The following LPIN1 variants were observed in gnomAD, a reference collection of about 807,000 sequenced individuals.
LPIN1 encodes lipin 1.
In LPIN1, 71 loss-of-function variants were observed where a neutral mutation model predicts 107.5. That is an observed-to-expected ratio of 0.66 (90% CI 0.55 to 0.80). The LOEUF (loss-of-function observed/expected upper bound fraction) is 0.80. Among genes scored for constraint, LPIN1 ranks in the 30% least tolerant of loss-of-function variants. The pLI is 0.00. For missense variants in LPIN1, 1,043 were observed against 1,160.6 expected, an observed-to-expected ratio of 0.90 and a Z score of 1.47; for synonymous variants, 445 against 452.6, an observed-to-expected ratio of 0.98 and a Z score of 0.21.
At chr2:11,744,315 A>G (rs1572517219), upstream of LPIN1, among the ~76,000 whole-genome samples, 2 of 152,326 alleles carry the variant, frequency 1.3e-5, no homozygotes, top group African/African-American at 4.8e-5. Context: ...GGGCCCTCCC[A>G]GGGGGACTCC....
intron 19 of LPIN1, 29 bp downstream of exon 19, chr2:11,819,627 C>A (rs753972811): frequency 6.7e-7 from 1 of 1,494,608 alleles, no homozygotes; most frequent in Non-Finnish European, 9.3e-7. Flanking sequence ...ATAGAAGAAC[C>A]CTTGAAATGA....
intron 1 of LPIN1, among the ~76,000 whole-genome samples, chr2:11,756,503 C>G (rs1668712984): frequency 6.6e-6 from 1 of 152,134 alleles, no homozygotes; most frequent in Admixed American, 6.5e-5. Context: ...ATTCTCCTGC[C>G]TCAGCCTCTC....
intron 9 of LPIN1, 35 bp from the exon 10 acceptor site, chr2:11,784,851 C>A (rs759755328): frequency 3.7e-6 from 6 of 1,608,854 alleles, no homozygotes; most frequent in Middle Eastern, 1.6e-4. Context: ...CTGGGACAGT[C>A]CTCAGCCGGT....
rs6748533 is a variant in LPIN1 at position 11,711,748 on chromosome 2, G to T, written c.82-2008G>T. Reference sequence around the variant, plus strand: ...TCATCACCTTGGTCCATATCCCAGCGATCCTTTGCTAGAATAACCTTCAAA... The same window carrying T: ...TCATCACCTTGGTCCATATCCCAGCTATCCTTTGCTAGAATAACCTTCAAA... On this transcript the variant is annotated intron_variant, in intron 1 of 21. Transcript: ENST00000449576. 3.9e-5 allele frequency among the ~76,000 whole-genome samples: 6 copies of T among 152,100 alleles called. No homozygotes were observed. The South Asian group carries it at 1.2e-3, about 32-fold the overall frequency.
intron 14 of LPIN1, among the ~76,000 whole-genome samples, chr2:11,800,660 C>T (rs537609633): frequency 2.6e-5 from 4 of 152,110 alleles, no homozygotes; most frequent in South Asian, 2.1e-4. Flanking sequence ...GGTCAGAAAG[C>T]TGTAGGTTGC....
chr2:11,699,331 A>G (rs1045382831), intron 1 of LPIN1, among the ~76,000 whole-genome samples: 1 of 152,228 alleles, frequency 6.6e-6, no homozygotes, highest in Non-Finnish European at 1.5e-5. Context: ...ATAAGTCCTT[A>G]CATGTAGTTG....
chr2:11,782,050 T>C (rs1326852674), intron 7 of LPIN1, 151 bp from the exon 8 acceptor site: 1 of 664,782 alleles, frequency 1.5e-6, no homozygotes, highest in South Asian at 1.8e-5. Context: ...TCTGGACTTT[T>C]TGGCAGGTAT....
At chr2:11,731,771 C>G (rs978096833) in intron 1 of LPIN1, among the ~76,000 whole-genome samples, 21 of 151,706 alleles carry the variant, frequency 1.4e-4, no homozygotes, top group African/African-American at 3.9e-4. Flanking sequence ...TCCAACTGGC[C>G]TGAGATGGTA....
chr2:11,769,857 C>G lies in LPIN1; in HGVS notation c.289-1515C>G, dbSNP rs1009962515. On this transcript the variant is annotated intron_variant, in intron 3 of 20. Transcript: ENST00000674199. ...GAAGACAGCTATGATTAAAAAGGAA[C>G]GGTTCTTTATAGCTCCAGGTTTTAA... is the stretch of plus-strand genomic sequence containing the variant. Among the ~76,000 whole-genome samples the G allele has an allele frequency of 3.3e-5, 5 of 152,168 alleles. No individual in the cohort carries two copies. The East Asian group carries it at 9.6e-4, about 29-fold the overall frequency.
intron 4 of LPIN1, 80 bp from the exon 5 acceptor site, chr2:11,773,540 T>C: frequency 8.0e-7 from 1 of 1,249,714 alleles, no homozygotes; most frequent in Non-Finnish European, 1.2e-6. Context: ...CACTTAGAGC[T>C]AATCAAGAAA....
chr2:11,792,352 A>G (rs961067423), intron 13 of LPIN1: 1 of 231,646 alleles, frequency 4.3e-6, no homozygotes, highest in Non-Finnish European at 8.7e-6. Flanking sequence ...GCTTGTGGAG[A>G]CAATTTTTCT....
At chr2:11,821,303 G>A (rs1681467314) in intron 20 of LPIN1, among the ~76,000 whole-genome samples, 1 of 152,140 alleles carries the variant, frequency 6.6e-6, no homozygotes. Flanking sequence ...GATCACCTGA[G>A]GTCAGGAGTT....
At chr2:11,814,093 C>T (rs1423485423) in intron 17 of LPIN1, among the ~76,000 whole-genome samples, 3 of 152,060 alleles carry the variant, frequency 2.0e-5, no homozygotes, top group East Asian at 1.9e-4. Context: ...GAACCCTGGG[C>T]GCTTGTGCGT....
intron 2 of LPIN1, among the ~76,000 whole-genome samples, chr2:11,717,278 C>G (rs1663810661): frequency 6.6e-6 from 1 of 152,126 alleles, no homozygotes; most frequent in Non-Finnish European, 1.5e-5. Flanking sequence ...GAGGGTCTGG[C>G]TGATTCTACA....
At chr2:11,754,042 A>C (rs1027761168) in intron 1 of LPIN1, among the ~76,000 whole-genome samples, 1 of 152,176 alleles carries the variant, frequency 6.6e-6, no homozygotes, top group Non-Finnish European at 1.5e-5. Context: ...GGCAGTGAGC[A>C]GGAAGCCCCA....
intron 1 of LPIN1, among the ~76,000 whole-genome samples, chr2:11,749,014 A>G (rs1667394465): frequency 6.6e-6 from 1 of 152,156 alleles, no homozygotes; most frequent in Non-Finnish European, 1.5e-5. Context: ...ATCACCCACT[A>G]GCAGCTTTGG....
At chr2:11,680,182 C>G (rs1661637367) in intron 1 of LPIN1, among the ~76,000 whole-genome samples, 1 of 152,184 alleles carries the variant, frequency 6.6e-6, no homozygotes, top group Non-Finnish European at 1.5e-5. Context: ...TGGCCAGAAG[C>G]CCAGGCAGGG....
At chr2:11,807,561 AG>A (rs1239959372) in intron 17 of LPIN1, among the ~76,000 whole-genome samples, 7 of 149,844 alleles carry the variant, frequency 4.7e-5, no homozygotes, top group Non-Finnish European at 8.9e-5. Flanking sequence ...TTCTCAGAAG[AG>A]AGATCTTCTT....
At chr2:11,701,876 G>T (rs545851774) in intron 1 of LPIN1, among the ~76,000 whole-genome samples, 1 of 152,308 alleles carries the variant, frequency 6.6e-6, no homozygotes, top group South Asian at 2.1e-4. Flanking sequence ...CTGAGTGTCT[G>T]TTTGGTTTGG....
Sources: gnomAD v4.1 joint callset for allele counts (sites outside exome capture counted in the v4.1 genomes callset) on GRCh38, gnomAD v4.1.1 for gene constraint, MANE v1.5 for transcripts, NCBI Gene and HGNC (gene_info 2026-07-23, HGNC 2026-07-21) for gene names.